MTTP: variants seen among roughly 807,000 people sequenced by gnomAD.
MTTP encodes the protein microsomal triglyceride transfer protein, also known as microsomal triglyceride transfer protein large subunit.
Under a neutral mutation model 90.6 loss-of-function variants are expected in MTTP, and 49 were observed. The ratio of observed to expected loss-of-function variants is 0.54; its 90% CI spans 0.43 to 0.69. MTTP has a LOEUF of 0.69. Among genes scored for constraint, MTTP ranks in the 30% least tolerant of loss-of-function variants. The pLI is 0.00. For synonymous variants in MTTP, 347 were observed against 384.2 expected (o/e 0.90, Z 1.13); for missense variants, 945 against 1,067.5 (o/e 0.89, Z 1.60).
rs199926943 is a variant in MTTP, at chr4:99,583,478, T to C, written c.354T>C (p.Ala118=). The C allele has an allele frequency of 6.2e-7, 1 of 1,613,646 alleles. No individual in the cohort carries two copies. The highest frequency in any genetic ancestry group is 8.5e-7 in the Non-Finnish European group (1 of 1,179,806). ...TAATGGGAAAGGAAAACTTGGAAGC[T>C]CTGCAAAGACCTACGCTCCTTCATC... ...SKIMGKENLE[A]LQRPTLLHLI... Residue 118 remains alanine (A), a synonymous_variant, in exon 3 of 18, where the codon GCT becomes GCC. Transcript: ENST00000265517.
rs1442075734 is a variant in MTTP at position 99,583,854 on chromosome 4, G to T, written c.393+337G>T. The T allele has an allele frequency of 2.8e-5, 13 of 457,942 alleles. No homozygotes were observed. The Admixed American group carries it at 3.5e-4, about 12-fold the overall frequency. 28.4% of individuals were successfully genotyped at this position (457,942 alleles called of 1,614,324 possible). A position where few individuals can be genotyped will look rare whatever the true frequency, so the allele number is the denominator to read the frequency against. On this transcript the variant is annotated intron_variant, in intron 3 of 17. Transcript: ENST00000265517. ...TAATGTAACAAAGCAAGTCATCAAA[G>T]CATGATTGGATGAATTCAGGAAAGG...
intron 6 of MTTP, among the ~76,000 whole-genome samples, chr4:99,592,781 T>G (rs1242977504): frequency 6.6e-6 from 1 of 152,186 alleles, no homozygotes; most frequent in Non-Finnish European, 1.5e-5. Context: ...TTACAGTTAA[T>G]TTTTTTAATA....
At chr4:99,604,220 G>C (rs775519867) in intron 10 of MTTP, among the ~76,000 whole-genome samples, 3 of 152,066 alleles carry the variant, frequency 2.0e-5, no homozygotes, top group African/African-American at 7.2e-5. Flanking sequence ...CACACTATAT[G>C]CATGCTGTGT....
At position 99,622,945 on chromosome 4, in the gene MTTP, A is replaced by C; in HGVS notation, c.*97A>C. 4.4e-6 allele frequency: 6 copies of C among 1,378,750 alleles called. No individual in the cohort carries two copies. Among genetic ancestry groups the C allele is most frequent in the Non-Finnish European group, 6.2e-6 (6 of 969,448 alleles). The allele number at this position is 1,378,750 out of a possible 1,614,324, so 85.4% of individuals were successfully genotyped here. ...CTCTCTGAGAGCACAGCGTTTACAT[A>C]TTTACCTGTATTTAAGATTTTTGTA... is the stretch of plus-strand genomic sequence containing the variant. On this transcript the variant is annotated 3_prime_UTR_variant, in exon 18 of 18. Transcript: ENST00000265517.
chr4:99,600,956 G>T (rs1725682383), intron 9 of MTTP, among the ~76,000 whole-genome samples: 1 of 151,984 alleles, frequency 6.6e-6, no homozygotes, highest in Non-Finnish European at 1.5e-5. Flanking sequence ...TAAACTATAT[G>T]GAAATTTAAA....
In MTTP at chr4:99,594,787, G is replaced by A. The variant is rs368104946; in HGVS notation, c.813G>A (p.Lys271=). Residue 271 remains lysine (K), a synonymous_variant, in exon 7 of 18, where the codon AAG becomes AAA. Coordinates refer to ENST00000265517, the MANE Select transcript of MTTP (RefSeq NM_001386140.1). ...TEAGPRLMSG[K]QAAAIIKAVD... is the part of the protein sequence containing the mutation. The stretch of plus-strand genomic sequence containing the variant: ...CAGGCCCAAGATTGATGTCTGGAAA[G>A]CAGGCTGCAGCCATAATCAAAGCAG... The A allele has an allele frequency of 1.2e-6, 2 of 1,614,042 alleles. No individual in the cohort carries two copies. The highest frequency in any genetic ancestry group is 1.3e-5 in the African/African-American group (1 of 75,032).
chr4:99,600,767 C>G, intron 9 of MTTP, 34 bp downstream of exon 9: 1 of 1,597,408 alleles, frequency 6.3e-7, no homozygotes, highest in Non-Finnish European at 8.6e-7. Flanking sequence ...CCCTCAACTC[C>G]TATAAAACTT....
At chr4:99,579,945 G>C (rs1725062719) in intron 1 of MTTP, among the ~76,000 whole-genome samples, 1 of 150,674 alleles carries the variant, frequency 6.6e-6, no homozygotes, top group Admixed American at 6.6e-5. Flanking sequence ...GCTGAGGTGG[G>C]AGGATCACTT....
rs886058956 is a variant in MTTP at position 99,574,882 on chromosome 4, T to C, written c.-28T>C. 2.5e-6 allele frequency: 4 copies of C among 1,614,070 alleles called. No individual in the cohort carries two copies. The African/African-American group carries it at 4.0e-5, about 16-fold the overall frequency. Reference sequence around the variant, plus strand: ...TTCTCAGTGACTCCTAGCTGGGCACTGGATGCAGTTGAGGATTGCTGGTCA... The same window carrying C: ...TTCTCAGTGACTCCTAGCTGGGCACCGGATGCAGTTGAGGATTGCTGGTCA... On this transcript the variant is annotated 5_prime_UTR_variant, in exon 1 of 18. Transcript: ENST00000265517.
At chr4:99,611,485 A>T (rs757324274) in intron 14 of MTTP, 32 bp downstream of exon 14, 2 of 1,611,518 alleles carry the variant, frequency 1.2e-6, no homozygotes, top group African/African-American at 2.7e-5. Flanking sequence ...TTGCTTAATA[A>T]AGTATGCAAG....
At chr4:99,614,572 G>A (rs1726053023) in intron 15 of MTTP, among the ~76,000 whole-genome samples, 1 of 152,160 alleles carries the variant, frequency 6.6e-6, no homozygotes. Context: ...GGGTTAATAT[G>A]GAAATCTTAA....
intron 15 of MTTP, among the ~76,000 whole-genome samples, chr4:99,616,265 A>G (rs986162595): frequency 3.3e-5 from 5 of 152,138 alleles, no homozygotes; most frequent in Admixed American, 1.3e-4. Flanking sequence ...ATAGTGGGGT[A>G]TGCCTGTAGT....
rs11734413 is a variant in MTTP, at chr4:99,591,193, C to T, written c.502-42C>T. On this transcript the variant is annotated intron_variant, in intron 4 of 17. Coordinates refer to ENST00000265517, the MANE Select transcript of MTTP (RefSeq NM_001386140.1). ...ACTTCTCACTAGAATTCAAATGGCC[C>T]ACAAGGAATCCCAAGCATTATGCCC... The T allele has an allele frequency of 0.084, 120,180 of 1,426,616 alleles. 6,227 individuals are homozygous for T. Among genetic ancestry groups the T allele is most frequent in the Non-Finnish European group, 0.094 (94,893 of 1,009,760 alleles). 88.4% of individuals were successfully genotyped at this position (1,426,616 alleles called of 1,614,324 possible).
intron 4 of MTTP, among the ~76,000 whole-genome samples, chr4:99,590,517 G>A (rs1725388755): frequency 6.6e-6 from 1 of 152,198 alleles, no homozygotes; most frequent in South Asian, 2.1e-4. Context: ...GGATCTTCCA[G>A]TATCATACCT....
intron 15 of MTTP, among the ~76,000 whole-genome samples, chr4:99,613,838 T>A (rs1475042859): frequency 6.6e-6 from 1 of 152,222 alleles, no homozygotes; most frequent in Non-Finnish European, 1.5e-5. Context: ...TACTGTGGGA[T>A]GGAGATGGTC....
chr4:99,588,464 A>G (rs1346618537), intron 3 of MTTP, among the ~76,000 whole-genome samples: 1 of 152,102 alleles, frequency 6.6e-6, no homozygotes. Flanking sequence ...TTTCTTAAAC[A>G]TTAGTTAAAT....
chr4:99,622,931 C>CAAGT lies in MTTP; in HGVS notation c.*84_*85insAGTA. On this transcript the variant is annotated 3_prime_UTR_variant, in exon 18 of 18. Transcript: ENST00000265517. ...TGACTAAGTACTTGCTCTCTGAGAGCACAGCGTTTACATATTTACCTGTAT... is the reference window on the plus strand; with the variant it reads ...TGACTAAGTACTTGCTCTCTGAGAGCAAGTACAGCGTTTACATATTTACCTGTAT... The CAAGT allele has an allele frequency of 2.8e-6, 4 of 1,452,466 alleles. No homozygotes were observed. The highest frequency in any genetic ancestry group is 3.9e-6 in the Non-Finnish European group (4 of 1,034,092). 90.0% of individuals were successfully genotyped at this position (1,452,466 alleles called of 1,614,324 possible).
At chr4:99,622,561 C>T in intron 17 of MTTP, 116 bp from the exon 18 acceptor site, 2 of 1,101,994 alleles carry the variant, frequency 1.8e-6, no homozygotes, top group Non-Finnish European at 2.7e-6. Flanking sequence ...ACACTCATAT[C>T]CTTTCTCAGA....
At chr4:99,616,815 C>A (rs776361081) in intron 15 of MTTP, among the ~76,000 whole-genome samples, 11 of 152,130 alleles carry the variant, frequency 7.2e-5, no homozygotes, top group Non-Finnish European at 1.0e-4. Context: ...ACCCACCTTG[C>A]AATGGAAATG....
Sources: gnomAD v4.1 joint callset for allele counts (sites outside exome capture counted in the v4.1 genomes callset) on GRCh38, gnomAD v4.1.1 for gene constraint, MANE v1.5 for transcripts, NCBI Gene and HGNC (gene_info 2026-07-23, HGNC 2026-07-21) for gene names.